The following LINGO2 variants were observed in gnomAD, a reference collection of about 807,000 sequenced individuals.
The protein encoded by LINGO2 is leucine rich repeat and Ig domain containing 2, also known as leucine-rich repeat and immunoglobulin-like domain-containing nogo receptor-interacting protein 2.
LINGO2 carries 14 observed loss-of-function variants against 30.6 expected under a neutral mutation model. That is an observed-to-expected ratio of 0.46 (90% CI 0.30 to 0.72). The LOEUF is 0.72. LINGO2 is among the 30% of genes least tolerant of loss of function. The pLI, the probability that LINGO2 is intolerant of heterozygous loss-of-function variation, is 0.07. For missense variants in LINGO2, 729 were observed against 751.7 expected, an observed-to-expected ratio of 0.97 and a Z score of 0.35; for synonymous variants, 317 against 288.5, an observed-to-expected ratio of 1.10 and a Z score of -1.00.
the LINGO2 span, among the ~76,000 whole-genome samples, chr9:28,778,422 G>A: frequency 6.6e-6 from 1 of 152,088 alleles, no homozygotes; most frequent in Non-Finnish European, 1.5e-5. Context: ...AAGGTTCGTT[G>A]CCAACTTTTT....
the LINGO2 span, among the ~76,000 whole-genome samples, chr9:29,076,949 C>G: frequency 6.6e-6 from 1 of 152,000 alleles, no homozygotes; most frequent in Non-Finnish European, 1.5e-5. Flanking sequence ...AGCTGAATAG[C>G]CTTTGCTTTT....
the LINGO2 span, among the ~76,000 whole-genome samples, chr9:29,125,972 T>G: frequency 6.6e-6 from 1 of 152,164 alleles, no homozygotes; most frequent in Non-Finnish European, 1.5e-5. Context: ...CTTATTTGTC[T>G]GATTCAATTA....
chr9:28,554,470 C>A (rs1822525747), intron 1 of LINGO2, among the ~76,000 whole-genome samples: 1 of 146,266 alleles, frequency 6.8e-6, no homozygotes, highest in Admixed American at 6.9e-5. Flanking sequence ...ATATATGCAC[C>A]CAATACAGGA....
At chr9:28,650,495 T>C (rs1005657036) in intron 1 of LINGO2, among the ~76,000 whole-genome samples, 1 of 152,162 alleles carries the variant, frequency 6.6e-6, no homozygotes, top group African/African-American at 2.4e-5. Flanking sequence ...CCACATCAGA[T>C]GAGGTCGCCT....
intron 5 of LINGO2, among the ~76,000 whole-genome samples, chr9:27,995,200 T>C (rs1821598716): frequency 6.6e-6 from 1 of 152,062 alleles, no homozygotes; most frequent in South Asian, 2.1e-4. Flanking sequence ...AAAGAAATAG[T>C]AAATCTGAAC....
intron 4 of LINGO2, among the ~76,000 whole-genome samples, chr9:28,071,760 G>A (rs1350141357): frequency 1.3e-5 from 2 of 151,968 alleles, no homozygotes; most frequent in Non-Finnish European, 2.9e-5. Flanking sequence ...GTCTGTCACA[G>A]CTCTTTCTGT....
intron 4 of LINGO2, among the ~76,000 whole-genome samples, chr9:28,237,745 C>T (rs1821628806): frequency 6.6e-6 from 1 of 152,010 alleles, no homozygotes; most frequent in African/African-American, 2.4e-5. Context: ...ATCCCAGCTA[C>T]TCGGGAGGTT....
At chr9:29,041,454 G>C in the LINGO2 span, among the ~76,000 whole-genome samples, 1 of 151,982 alleles carries the variant, frequency 6.6e-6, no homozygotes, top group Non-Finnish European at 1.5e-5. Context: ...ATAGCTATGA[G>C]AGTCAAGACA....
chr9:28,852,863 G>C, the LINGO2 span, among the ~76,000 whole-genome samples: 2 of 152,000 alleles, frequency 1.3e-5, no homozygotes, highest in African/African-American at 4.8e-5. Flanking sequence ...AGCCTAACAA[G>C]TAAAATTTCA....
intron 2 of LINGO2, among the ~76,000 whole-genome samples, chr9:28,434,303 C>T (rs1462025783): frequency 6.8e-6 from 1 of 148,024 alleles, no homozygotes; most frequent in Non-Finnish European, 1.5e-5. Flanking sequence ...CCCAAAATGA[C>T]CTGTACCCTA....
At chr9:27,967,283 C>T (rs1448083413) in intron 5 of LINGO2, among the ~76,000 whole-genome samples, 1 of 152,108 alleles carries the variant, frequency 6.6e-6, no homozygotes, top group Non-Finnish European at 1.5e-5. Flanking sequence ...TTTTGTGGCT[C>T]CTCCCTCTTC....
At chr9:27,956,760 C>A (rs563781244) in intron 5 of LINGO2, among the ~76,000 whole-genome samples, 1 of 152,032 alleles carries the variant, frequency 6.6e-6, no homozygotes, top group East Asian at 1.9e-4. Flanking sequence ...TTTCCTCCTA[C>A]AGCTATCTAG....
chr9:27,964,851 C>T lies in LINGO2; in HGVS notation c.-35-14145G>A, dbSNP rs149919182. Among the ~76,000 whole-genome samples the T allele has an allele frequency of 4.3e-3, 659 of 152,140 alleles. 5 individuals are homozygous for T. The highest frequency in any genetic ancestry group is 0.01 in the Middle Eastern group (3 of 294). On this transcript the variant is annotated intron_variant, in intron 5 of 5. Transcript: ENST00000379992. ...TTGTTGAGTAGTTATTCCATAGTCT[C>T]TAGGAATATCTTATTTGCAGAGGTC... is the stretch of plus-strand genomic sequence containing the variant.
intron 4 of LINGO2, among the ~76,000 whole-genome samples, chr9:28,041,157 CTT>C (rs1824180069): frequency 6.6e-6 from 1 of 152,204 alleles, no homozygotes; most frequent in Non-Finnish European, 1.5e-5. Context: ...CCAAGACCAT[CTT>C]TGTGTCTGAA....
At chr9:28,929,478 G>C in the LINGO2 span, among the ~76,000 whole-genome samples, 1 of 152,334 alleles carries the variant, frequency 6.6e-6, no homozygotes, top group Non-Finnish European at 1.5e-5. Context: ...AAGGCAGCTA[G>C]AGTTCTCAGG....
intron 1 of LINGO2, among the ~76,000 whole-genome samples, chr9:28,534,521 T>G (rs1230971633): frequency 3.3e-5 from 5 of 152,198 alleles, no homozygotes; most frequent in Non-Finnish European, 7.3e-5. Context: ...CCTTGATTAT[T>G]TTTTCATTTC....
At chr9:28,414,555 T>G (rs1822896065) in intron 2 of LINGO2, among the ~76,000 whole-genome samples, 1 of 152,138 alleles carries the variant, frequency 6.6e-6, no homozygotes, top group South Asian at 2.1e-4. Flanking sequence ...TTACCAACTG[T>G]GTATTTAATA....
intron 1 of LINGO2, among the ~76,000 whole-genome samples, chr9:28,541,117 A>T (rs1821676112): frequency 6.6e-6 from 1 of 152,202 alleles, no homozygotes; most frequent in Non-Finnish European, 1.5e-5. Flanking sequence ...GTAGTTGCTG[A>T]TATTGATGAA....
intron 3 of LINGO2, among the ~76,000 whole-genome samples, chr9:28,311,681 A>T (rs10968486): frequency 0.89 from 134,850 of 152,192 alleles, 62,024 homozygotes; most frequent in Non-Finnish European, 1. Flanking sequence ...TCCCTGAACA[A>T]TGCTGTTATC....
Sources: allele counts gnomAD v4.1 joint callset (sites outside exome capture counted in the v4.1 genomes callset), GRCh38; gene constraint gnomAD v4.1.1; transcripts MANE v1.5; gene names NCBI Gene and HGNC (gene_info 2026-07-23, HGNC 2026-07-21).